The following UNC5D variants were observed in gnomAD, a reference collection of about 807,000 sequenced individuals.
The protein encoded by UNC5D is unc-5 netrin receptor D.
In UNC5D, 39 loss-of-function variants were observed where a neutral mutation model predicts 105.4. The ratio of observed to expected loss-of-function variants is 0.37; its 90% CI spans 0.29 to 0.48. UNC5D has a LOEUF of 0.48. Ranked by LOEUF, UNC5D falls within the 20% of genes least tolerant of loss-of-function variation. UNC5D has a pLI of 0.98. For missense variants in UNC5D, 991 were observed against 1,202.4 expected (o/e 0.82, Z 2.60); for synonymous variants, 452 against 450.4 (o/e 1.00, Z -0.04).
At chr8:35,568,652 G>A (rs1220834359) in intron 3 of UNC5D, among the ~76,000 whole-genome samples, 1 of 152,234 alleles carries the variant, frequency 6.6e-6, no homozygotes. Context: ...TCGTGCCACT[G>A]CACTCCCACC....
rs549536392 is a variant in UNC5D, at chr8:35,792,849, T to A, written c.*2286T>A. 2.9e-6 allele frequency: 1 copy of A among 348,214 alleles called. No homozygotes were observed. The highest frequency in any genetic ancestry group is 2.2e-5 in the African/African-American group (1 of 46,330). The allele number at this position is 348,214 out of a possible 1,614,324, so 21.6% of individuals were successfully genotyped here. On this transcript the variant is annotated 3_prime_UTR_variant, in exon 17 of 17. Coordinates refer to ENST00000404895, the MANE Select transcript of UNC5D (RefSeq NM_080872.4). ...CTTTTTTTTTAGATGTTTGATACAT[T>A]TTAAGTATTTTTAAATAGATGAAAA...
At chr8:35,368,182 T>C (rs1438606529) in intron 1 of UNC5D, among the ~76,000 whole-genome samples, 1 of 152,200 alleles carries the variant, frequency 6.6e-6, no homozygotes, top group Non-Finnish European at 1.5e-5. Context: ...CTTGGTTAAT[T>C]TGCTGTTTTT....
chr8:35,247,173 C>G (rs1311973268), intron 1 of UNC5D, among the ~76,000 whole-genome samples: 1 of 151,726 alleles, frequency 6.6e-6, no homozygotes, highest in Admixed American at 6.6e-5. Flanking sequence ...AAGAATGATA[C>G]CAGAAGACTA....
chr8:35,389,038 A>G (rs1440644291), intron 1 of UNC5D, among the ~76,000 whole-genome samples: 1 of 152,200 alleles, frequency 6.6e-6, no homozygotes, highest in Non-Finnish European at 1.5e-5. Context: ...TGACAAGTGA[A>G]CTTGGAATCA....
chr8:35,240,082 T>G (rs994906790), intron 1 of UNC5D, among the ~76,000 whole-genome samples: 6 of 152,046 alleles, frequency 3.9e-5, no homozygotes, highest in Non-Finnish European at 7.4e-5. Flanking sequence ...ACTGTAGGCA[T>G]GCATCATCAC....
At chr8:35,436,632 G>GTA (rs137913427) in intron 1 of UNC5D, among the ~76,000 whole-genome samples, 2,678 of 152,134 alleles carry the variant, frequency 0.018, 96 homozygotes, top group African/African-American at 0.061. Flanking sequence ...GTATTAGATT[G>GTA]TATCTCCATA....
chr8:35,336,428 T>A (rs1811047617), intron 1 of UNC5D, among the ~76,000 whole-genome samples: 1 of 152,228 alleles, frequency 6.6e-6, no homozygotes, highest in Admixed American at 6.5e-5. Flanking sequence ...AAATCATTGT[T>A]AATTATGCCC....
At chr8:35,724,197 C>A in intron 9 of UNC5D, 1 of 1,501,330 alleles carries the variant, frequency 6.7e-7, no homozygotes, top group Non-Finnish European at 8.9e-7. Flanking sequence ...ATCTCTAAGA[C>A]AATATTAGTC....
intron 4 of UNC5D, among the ~76,000 whole-genome samples, chr8:35,674,968 A>G (rs567111639): frequency 6.6e-6 from 1 of 152,264 alleles, no homozygotes; most frequent in African/African-American, 2.4e-5. Context: ...TCTACCACTT[A>G]TACATCTCTA....
intron 4 of UNC5D, among the ~76,000 whole-genome samples, chr8:35,662,642 C>T (rs1028818487): frequency 1.3e-5 from 2 of 152,112 alleles, no homozygotes; most frequent in African/African-American, 4.8e-5. Flanking sequence ...TAACATTTTT[C>T]CATGAGCAAA....
chr8:35,424,234 A>C (rs1017908574), intron 1 of UNC5D, among the ~76,000 whole-genome samples: 1 of 152,242 alleles, frequency 6.6e-6, no homozygotes, highest in Non-Finnish European at 1.5e-5. Flanking sequence ...AATAGCTATA[A>C]GCCACATATA....
At chr8:35,571,682 C>T (rs933339887) in intron 3 of UNC5D, among the ~76,000 whole-genome samples, 1 of 152,190 alleles carries the variant, frequency 6.6e-6, no homozygotes, top group Non-Finnish European at 1.5e-5. Flanking sequence ...TATTTGTAAG[C>T]ACTTTCCTGC....
chr8:35,296,854 C>T (rs1807532400), intron 1 of UNC5D, among the ~76,000 whole-genome samples: 1 of 152,202 alleles, frequency 6.6e-6, no homozygotes. Context: ...CAACACCACT[C>T]ATTGTACTGT....
chr8:35,553,263 C>G (rs1235736248), intron 2 of UNC5D, among the ~76,000 whole-genome samples: 2 of 151,878 alleles, frequency 1.3e-5, no homozygotes, highest in African/African-American at 4.8e-5. Flanking sequence ...TTTTAATTCC[C>G]CTAGCATTGC....
intron 1 of UNC5D, among the ~76,000 whole-genome samples, chr8:35,294,704 T>TC: frequency 6.6e-6 from 1 of 151,598 alleles, no homozygotes; most frequent in East Asian, 1.9e-4. Context: ...CTTCTTTTTT[T>TC]TTTTTTTTTT....
chr8:35,710,934 CTTTTTTTT>C (rs775014566), intron 8 of UNC5D, among the ~76,000 whole-genome samples: 1 of 114,382 alleles, frequency 8.7e-6, no homozygotes, highest in Non-Finnish European at 1.7e-5. Flanking sequence ...CAGCATTATT[CTTTTTTTT>C]TTTTTTTTTT....
At chr8:35,394,960 A>G (rs1275385114) in intron 1 of UNC5D, among the ~76,000 whole-genome samples, 1 of 152,156 alleles carries the variant, frequency 6.6e-6, no homozygotes, top group Non-Finnish European at 1.5e-5. Flanking sequence ...GACACCTAAT[A>G]CATTTGTTGG....
intron 4 of UNC5D, among the ~76,000 whole-genome samples, chr8:35,601,806 G>A (rs374300866): frequency 1.3e-5 from 2 of 152,104 alleles, no homozygotes; most frequent in East Asian, 1.9e-4. Context: ...TCTCCTGCCT[G>A]ATTGCCCTGG....
At chr8:35,430,903 C>T (rs1203068149) in intron 1 of UNC5D, among the ~76,000 whole-genome samples, 1 of 152,120 alleles carries the variant, frequency 6.6e-6, no homozygotes, top group South Asian at 2.1e-4. Context: ...AAATCACACA[C>T]ACATGCATGC....
Sources: allele counts gnomAD v4.1 joint callset (sites outside exome capture counted in the v4.1 genomes callset), GRCh38; gene constraint gnomAD v4.1.1; transcripts MANE v1.5; gene names NCBI Gene and HGNC (gene_info 2026-07-23, HGNC 2026-07-21).